Variants in FILIP1 observed in about 807,000 individuals in gnomAD.
FILIP1 encodes filamin A interacting protein 1.
A neutral mutation model predicts 102.1 loss-of-function variants in FILIP1; 61 were observed. That is an observed-to-expected ratio of 0.60 (90% CI 0.49 to 0.74). The LOEUF (loss-of-function observed/expected upper bound fraction) is 0.74. Among genes scored for constraint, FILIP1 ranks in the 30% least tolerant of loss-of-function variants. The pLI is 0.00. For synonymous variants in FILIP1, 491 were observed against 526.9 expected (o/e 0.93, Z 0.93); for missense variants, 1,314 against 1,441.2 (o/e 0.91, Z 1.43).
At chr6:75,451,766 G>A (rs576861940) in intron 1 of FILIP1, among the ~76,000 whole-genome samples, 8 of 152,112 alleles carry the variant, frequency 5.3e-5, no homozygotes, top group East Asian at 1.9e-4. Context: ...CCCAGGAAGC[G>A]GAGATTCCAG....
At position 75,313,127 on chromosome 6, in the gene FILIP1, A is replaced by C. The variant is rs749117716; in HGVS notation, c.2705T>G (p.Leu902Arg). The C allele has an allele frequency of 1.9e-6, 3 of 1,614,110 alleles. No individual in the cohort carries two copies. Among genetic ancestry groups the C allele is most frequent in the Non-Finnish European group, 2.5e-6 (3 of 1,180,016 alleles). The part of the protein sequence containing the change: ...SSPGHPGEVV[L>R]SPKQGQPLHI... ...CAGGGGCTGGCCCTGCTTTGGTGAA[A>C]GGACTACCTCTCCTGGGTGCCCTGG... Residue 902 changes from leucine (L) to arginine (R), a missense_variant, in exon 5 of 6, where the codon CTT becomes CGT. Leu to Arg is a moderately radical substitution (Grantham distance 102, BLOSUM62 -2). This residue lies in a region of FILIP1 where 816 missense variants were observed against 913.1 expected (regional missense o/e 0.89). Coordinates refer to ENST00000237172, the MANE Select transcript of FILIP1 (RefSeq NM_015687.5). This position sits in a 1 kb window ranked among gnomAD's most constrained non-coding sequence, Gnocchi z 4.2.
At chr6:75,344,212 C>T (rs549388764) in intron 4 of FILIP1, among the ~76,000 whole-genome samples, 1 of 152,090 alleles carries the variant, frequency 6.6e-6, no homozygotes, top group Non-Finnish European at 1.5e-5. Context: ...GTTGTCCTTT[C>T]TTCTTTCTGT....
chr6:75,458,446 A>G (rs1196121343), intron 1 of FILIP1, among the ~76,000 whole-genome samples: 4 of 152,182 alleles, frequency 2.6e-5, no homozygotes, highest in African/African-American at 9.7e-5. Context: ...TCTAAGCCTC[A>G]CAGCTAATTA....
At chr6:75,424,568 G>GT (rs1031086485) in intron 1 of FILIP1, among the ~76,000 whole-genome samples, 4 of 152,062 alleles carry the variant, frequency 2.6e-5, no homozygotes, top group Non-Finnish European at 5.9e-5. Context: ...GAGTAGAACT[G>GT]TTTTTTTAAA....
chr6:75,383,335 C>T (rs1160242220), intron 2 of FILIP1, among the ~76,000 whole-genome samples: 1 of 151,968 alleles, frequency 6.6e-6, no homozygotes, highest in Non-Finnish European at 1.5e-5. Flanking sequence ...AAATATTGTC[C>T]CCCTAAAAAG....
At chr6:75,334,590 T>C (rs1465194770) in intron 4 of FILIP1, 6 of 152,182 alleles carry the variant, frequency 3.9e-5, no homozygotes, top group African/African-American at 1.2e-4. Flanking sequence ...GAAATGCGCA[T>C]GGACAAGAGT....
At chr6:75,299,162 C>A (rs763040514) in intron 6 of FILIP1, among the ~76,000 whole-genome samples, 4 of 151,964 alleles carry the variant, frequency 2.6e-5, no homozygotes, top group Non-Finnish European at 5.9e-5. Flanking sequence ...ATTGAAGTTA[C>A]AGATTCAGTG....
At chr6:75,303,642 G>A (rs776610349), downstream of FILIP1, among the ~76,000 whole-genome samples, 26 of 152,146 alleles carry the variant, frequency 1.7e-4, no homozygotes, top group Non-Finnish European at 2.8e-4. Flanking sequence ...ACCTTGAGCT[G>A]TGAGATTCTC....
chr6:75,458,411 G>C (rs1778914034), intron 1 of FILIP1, among the ~76,000 whole-genome samples: 1 of 152,164 alleles, frequency 6.6e-6, no homozygotes, highest in Non-Finnish European at 1.5e-5. Flanking sequence ...AGAACAGAAG[G>C]TCTAGAGGAG....
chr6:75,437,629 A>T (rs902591359), intron 1 of FILIP1, among the ~76,000 whole-genome samples: 50 of 152,230 alleles, frequency 3.3e-4, no homozygotes, highest in African/African-American at 1.1e-3. Context: ...AGATATATAC[A>T]AACAAATGGT....
intron 6 of FILIP1, chr6:75,296,505 A>ATT (rs1204151147): frequency 4.4e-4 from 64 of 146,322 alleles, no homozygotes; most frequent in African/African-American, 1.5e-3. Context: ...TATTATTATT[A>ATT]TTATTATTAT....
At chr6:75,390,297 T>G (rs1776243239) in intron 2 of FILIP1, among the ~76,000 whole-genome samples, 1 of 152,238 alleles carries the variant, frequency 6.6e-6, no homozygotes, top group African/African-American at 2.4e-5. Flanking sequence ...TACTAGCTTT[T>G]ATTCTCATGT....
At chr6:75,490,512 T>A (rs1353790521) in intron 1 of FILIP1, among the ~76,000 whole-genome samples, 1 of 152,060 alleles carries the variant, frequency 6.6e-6, no homozygotes, top group Non-Finnish European at 1.5e-5. Context: ...TAATTCACGA[T>A]CCACAAATAA....
intron 1 of FILIP1, among the ~76,000 whole-genome samples, chr6:75,432,245 T>G (rs1452984952): frequency 1.3e-5 from 2 of 152,254 alleles, no homozygotes; most frequent in Non-Finnish European, 2.9e-5. Flanking sequence ...AAACTAAGTT[T>G]GAAGACAGAC....
At chr6:75,357,466 G>A in intron 3 of FILIP1, 1 of 152,226 alleles carries the variant, frequency 6.6e-6, no homozygotes, top group East Asian at 1.9e-4. Flanking sequence ...CACTGGAGTA[G>A]GTGGCTGAAG....
rs777401752 is a variant in FILIP1 at position 75,315,042 on chromosome 6, G to T, written c.790C>A (p.Gln264Lys). The change falls in exon 5 of 6, where the codon CAA becomes AAA. Residue 264 changes from glutamine to lysine, a missense_variant. Transcript: ENST00000237172. The stretch of plus-strand genomic sequence containing the variant: ...GTAAGATCCTGTACTTTCTGGCTTT[G>T]CAGGCCAAGTTGTTCAATGTGCATT... ...RQMHIEQLGL[Q>K]SQKVQDLTQK... 1.9e-6 allele frequency: 3 copies of T among 1,614,078 alleles called. No homozygotes were observed. Among genetic ancestry groups the T allele is most frequent in the South Asian group, 2.2e-5 (2 of 91,054 alleles).
At chr6:75,429,770 G>T (rs1777762669) in intron 1 of FILIP1, among the ~76,000 whole-genome samples, 1 of 152,136 alleles carries the variant, frequency 6.6e-6, no homozygotes, top group African/African-American at 2.4e-5. Flanking sequence ...AGGTAGAAAT[G>T]AAGTCAAGGA....
intron 1 of FILIP1, among the ~76,000 whole-genome samples, chr6:75,427,890 A>T (rs1045883509): frequency 3.9e-5 from 6 of 152,158 alleles, no homozygotes; most frequent in African/African-American, 1.4e-4. Flanking sequence ...TGGCAGCATG[A>T]CTACTGTAAC....
chr6:75,371,233 T>C (rs745733940), intron 2 of FILIP1, among the ~76,000 whole-genome samples: 7 of 152,240 alleles, frequency 4.6e-5, no homozygotes, highest in Non-Finnish European at 7.3e-5. Flanking sequence ...TTTTTCTCTC[T>C]TTGGAGAAAT....
Sources: allele counts gnomAD v4.1 joint callset (sites outside exome capture counted in the v4.1 genomes callset), GRCh38; gene constraint gnomAD v4.1.1; regional missense constraint gnomAD v4.1.1; non-coding constraint Gnocchi (gnomAD v3.1); transcripts MANE v1.5; gene names NCBI Gene and HGNC (gene_info 2026-07-23, HGNC 2026-07-21).